INF2: variants seen among roughly 807,000 people sequenced by gnomAD.
INF2 encodes the protein inverted formin-2.
In INF2, 43 loss-of-function variants were observed where a neutral mutation model predicts 123.5. The observed-to-expected ratio is 0.35, with a 90% CI of 0.27 to 0.45. The LOEUF is 0.45. INF2 is among the 20% of genes least tolerant of loss of function. The pLI is 1.00. For missense variants in INF2, 1,453 were observed against 1,682.7 expected (o/e 0.86, Z 2.39); for synonymous variants, 851 against 745.0 (o/e 1.14, Z -2.32).
In INF2 at chr14:104,711,027, C is replaced by G; in HGVS notation, c.2310+20C>G. On this transcript the variant is annotated intron_variant, in intron 14 of 22. Coordinates refer to ENST00000392634, the MANE Select transcript of INF2 (RefSeq NM_022489.4). ...AACTACGTAAGTCAGGGGCAGCTCC[C>G]CATCCCACCTGGTGCCAGGGGCTGG... The G allele has an allele frequency of 6.2e-7, 1 of 1,611,548 alleles. No homozygotes were observed. The highest frequency in any genetic ancestry group is 1.1e-5 in the South Asian group (1 of 90,930).
In INF2 at chr14:104,719,916, C is replaced by T. The variant is rs1890485862; in HGVS notation, c.*1123C>T. On this transcript the variant is annotated 3_prime_UTR_variant, in exon 23 of 23. Transcript: ENST00000392634. ...CAACAGTGGTGAGATGGGTGCAGCT[C>T]TACAGGGGCGTAATTTACAAACCAC... is the stretch of plus-strand genomic sequence containing the variant. 1 of 152,408 alleles carries T rather than the reference C, an allele frequency of 6.6e-6. No homozygotes were observed. Among genetic ancestry groups the T allele is most frequent in the Non-Finnish European group, 1.5e-5 (1 of 68,188 alleles). The allele number at this position is 152,408 out of a possible 1,614,324, so 9.4% of individuals were successfully genotyped here.
At chr14:104,700,942 G>T in intron 1 of INF2, 1 of 853,332 alleles carries the variant, frequency 1.2e-6, no homozygotes, top group Non-Finnish European at 1.4e-6. Context: ...CCTCAGATGC[G>T]CCGTTTTGTC....
chr14:104,701,283 C>T lies in INF2; in HGVS notation c.-9-74C>T, dbSNP rs983109982. ...AGAAACTGAGACCGAGGGAAGTGGC[C>T]CCGCCTGCGCTGGTGGCCAGGAGGA... On this transcript the variant is annotated intron_variant, in intron 1 of 22. Coordinates refer to ENST00000392634, the MANE Select transcript of INF2 (RefSeq NM_022489.4). 8 of 1,483,548 alleles carry T rather than the reference C, an allele frequency of 5.4e-6. No individual in the cohort carries two copies. The African/African-American group carries it at 9.8e-5, about 18-fold the overall frequency. The allele number at this position is 1,483,548 out of a possible 1,614,324, so 91.9% of individuals were successfully genotyped here. A position where few individuals can be genotyped will look rare whatever the true frequency, so the allele number is the denominator to read the frequency against.
chr14:104,700,794 G>C, intron 1 of INF2: 3 of 980,430 alleles, frequency 3.1e-6, no homozygotes, highest in Non-Finnish European at 3.6e-6. Flanking sequence ...TGAGGCCCAG[G>C]GGAGACCTGG....
At chr14:104,697,149 T>C (rs1391500516) in intron 1 of INF2, among the ~76,000 whole-genome samples, 1 of 152,214 alleles carries the variant, frequency 6.6e-6, no homozygotes, top group African/African-American at 2.4e-5. Context: ...GGGAGGGGGC[T>C]GTCCCAGGCA....
intron 1 of INF2, among the ~76,000 whole-genome samples, chr14:104,698,501 C>G (rs1232403699): frequency 6.6e-6 from 1 of 152,228 alleles, no homozygotes; most frequent in African/African-American, 2.4e-5. Flanking sequence ...TTTTTATAGA[C>G]ACAGGGAAGG....
intron 1 of INF2, among the ~76,000 whole-genome samples, chr14:104,695,599 C>G (rs1889154713): frequency 1.3e-5 from 2 of 152,156 alleles, no homozygotes. Context: ...CCAGTGACCC[C>G]TCCTCCCAGT....
intron 1 of INF2, 25 bp from the exon 2 acceptor site, chr14:104,701,332 A>G (rs949515396): frequency 4.5e-6 from 7 of 1,550,840 alleles, no homozygotes; most frequent in Non-Finnish European, 5.2e-6. Flanking sequence ...CTCCCCGCTG[A>G]CGGCTCCCTG....
intron 1 of INF2, among the ~76,000 whole-genome samples, chr14:104,698,856 C>T (rs907264848): frequency 1.3e-5 from 2 of 152,216 alleles, no homozygotes; most frequent in African/African-American, 4.8e-5. Flanking sequence ...CAGCGAGACC[C>T]TGTTACACTC....
rs1375713265 is a variant in INF2, at chr14:104,707,325, T to A, written c.1058T>A (p.Leu353Gln). 3 of 1,604,224 alleles carry A rather than the reference T, an allele frequency of 1.9e-6. No individual in the cohort carries two copies. The change falls in exon 8 of 23, where the codon CTG becomes CAG. Residue 353 changes from leucine to glutamine, a missense_variant. Coordinates refer to ENST00000392634, the MANE Select transcript of INF2 (RefSeq NM_022489.4). Reference protein sequence around the residue: ...SVKGRPRPSPLVKAHKSVQAN... With the variant: ...SVKGRPRPSPQVKAHKSVQAN... The stretch of plus-strand genomic sequence containing the variant: ...AAGGGGCGACCCAGACCGAGCCCCC[T>A]GGTCAAGGCCCATAAAAGCGTCCAG...
intron 11 of INF2, 102 bp downstream of exon 11, chr14:104,709,485 C>T: frequency 7.9e-7 from 1 of 1,267,080 alleles, no homozygotes; most frequent in Non-Finnish European, 1.2e-6. Context: ...GGGAGGCATC[C>T]CAGCCCTACC....
Position 104,701,695 on chromosome 14 carries a change from C to T in INF2, c.330C>T (p.Asn110=). ...TCAGCTGCGTGCGCGCCGTCATGAA[C>T]TCGCGGCAGGGCATCGAGTACATCC... ...TCVSCVRAVM[N]SRQGIEYILS... The change falls in exon 2 of 23, where the codon AAC becomes AAT. Residue 110 remains asparagine (N), a synonymous_variant. Transcript: ENST00000392634. 6.4e-7 allele frequency: 1 copy of T among 1,562,228 alleles called. No individual in the cohort carries two copies. The highest frequency in any genetic ancestry group is 8.7e-7 in the Non-Finnish European group (1 of 1,154,300).
chr14:104,694,083 C>A (rs1227469157), intron 1 of INF2, among the ~76,000 whole-genome samples: 1 of 152,252 alleles, frequency 6.6e-6, no homozygotes, highest in Non-Finnish European at 1.5e-5. Flanking sequence ...TGCCCCTTCC[C>A]TGGGCCAGGC....
In INF2 at chr14:104,708,454, C is replaced by T. The variant is rs755219548; in HGVS notation, c.1754C>T (p.Ala585Val). 4 of 1,612,280 alleles carry T rather than the reference C, an allele frequency of 2.5e-6. No homozygotes were observed. Among genetic ancestry groups the T allele is most frequent in the African/African-American group, 1.3e-5 (1 of 75,024 alleles). ...CCGACAGAGCACAACTCTATGTGGG[C>T]GTCCCTGAGCAGCCCCGACGCCGAG... ...NVAREHNSMW[A>V]SLSSPDAEAV... The change falls in exon 9 of 23, where the codon GCG becomes GTG. Residue 585 changes from alanine (A) to valine (V), a missense_variant. By Grantham distance (64) the Ala-to-Val change is moderately conservative. Around this residue, in one of 8 missense-constraint regions of INF2, gnomAD observed 192 missense variants for 274.4 expected, o/e 0.70. Coordinates refer to ENST00000392634, the MANE Select transcript of INF2 (RefSeq NM_022489.4).
At chr14:104,703,242 T>TGGGCAC in intron 3 of INF2, 22 bp downstream of exon 3, 1 of 1,612,956 alleles carries the variant, frequency 6.2e-7, no homozygotes, top group Non-Finnish European at 8.5e-7. Context: ...GGCCTGGGCC[T>TGGGCAC]GGGCACATGG....
At position 104,704,208 on chromosome 14, in the gene INF2, C is replaced by A. The variant is rs147705219; in HGVS notation, c.701+259C>A. The A allele has an allele frequency of 3.3e-3, 4,666 of 1,408,064 alleles. 6 individuals carry two copies. The highest frequency in any genetic ancestry group is 4.0e-3 in the Non-Finnish European group (4,354 of 1,077,344). 87.2% of individuals were successfully genotyped at this position (1,408,064 alleles called of 1,614,324 possible). A position where few individuals can be genotyped will look rare whatever the true frequency, so the allele number is the denominator to read the frequency against. ...ACAGAATGAGCTCATATCCTTTGCA[C>A]ACCGTGGATGGAGCTGGAGGCCGTG... is the stretch of plus-strand genomic sequence containing the variant. On this transcript the variant is annotated intron_variant, in intron 5 of 22. Transcript: ENST00000392634.
At position 104,714,558 on chromosome 14, in the gene INF2, G is replaced by T. The variant is rs542319858; in HGVS notation, c.3396G>T (p.Lys1132Asn). Residue 1132 changes from lysine to asparagine, a missense_variant, in exon 21 of 23, where the codon AAG (lysine) becomes AAT (asparagine). This residue lies in a region of INF2 where 344 missense variants were observed against 333.1 expected (regional missense o/e 1.03). Coordinates refer to ENST00000392634, the MANE Select transcript of INF2 (RefSeq NM_022489.4). Reference sequence around the variant, plus strand: ...CCGGAAGTTCAAGGCAAGATGCCAAGGATCCCACGTCCTTGCTGGGCGTCC... The same window carrying T: ...CCGGAAGTTCAAGGCAAGATGCCAATGATCCCACGTCCTTGCTGGGCGTCC... The part of the protein sequence containing the change: ...PAAGSSRQDA[K>N]DPTSLLGVLQ... The T allele has an allele frequency of 6.2e-7, 1 of 1,612,754 alleles. No homozygotes were observed. The highest frequency in any genetic ancestry group is 1.1e-5 in the South Asian group (1 of 91,090).
At chr14:104,689,587 T>TGCGACCCCCCC, upstream of INF2, 1 of 851,068 alleles carries the variant, frequency 1.2e-6, no homozygotes, top group Non-Finnish European at 1.4e-6. Flanking sequence ...CACCTCCTCT[T>TGCGACCCCCCC]CCTCCCGCCC....
rs1298981778 is a variant in INF2, at chr14:104,719,406, C to T, written c.*613C>T. The T allele has an allele frequency of 6.6e-6, 1 of 152,454 alleles. No homozygotes were observed. Among genetic ancestry groups the T allele is most frequent in the Non-Finnish European group, 1.5e-5 (1 of 68,258 alleles). The allele number at this position is 152,454 out of a possible 1,614,324, so 9.4% of individuals were successfully genotyped here. A position where few individuals can be genotyped will look rare whatever the true frequency, so the allele number is the denominator to read the frequency against. On this transcript the variant is annotated 3_prime_UTR_variant, in exon 23 of 23. Transcript: ENST00000392634. ...ACTTGGCCATCACATCAACAGAAAA[C>T]CCCTCCCAGTGCCAGCTGCCCAGCG...
Sources: gnomAD v4.1 joint callset for allele counts (sites outside exome capture counted in the v4.1 genomes callset) on GRCh38, gnomAD v4.1.1 for gene constraint, gnomAD v4.1.1 regional missense constraint, MANE v1.5 for transcripts, NCBI Gene and HGNC (gene_info 2026-07-23, HGNC 2026-07-21) for gene names.